Variants in MAD1L1 observed in about 807,000 individuals in gnomAD.
MAD1L1 encodes mitotic spindle assembly checkpoint protein MAD1.
A neutral mutation model predicts 96.9 loss-of-function variants in MAD1L1; 95 were observed. That is an observed-to-expected ratio of 0.98 (90% CI 0.83 to 1.16). The LOEUF (loss-of-function observed/expected upper bound fraction) is 1.16. Among genes scored for constraint, MAD1L1 ranks in the 50% most tolerant of loss-of-function variants. MAD1L1 has a pLI of 0.00. For missense variants in MAD1L1, 1,007 were observed against 954.4 expected, an observed-to-expected ratio of 1.06 and a Z score of -0.73; for synonymous variants, 473 against 396.6, an observed-to-expected ratio of 1.19 and a Z score of -2.29.
intron 12 of MAD1L1, among the ~76,000 whole-genome samples, chr7:2,049,959 C>T (rs6966586): frequency 0.057 from 8,224 of 144,164 alleles, 733 homozygotes; most frequent in African/African-American, 0.22. Context: ...CCTCACCCAA[C>T]GTCTGCGGGC....
intron 12 of MAD1L1, among the ~76,000 whole-genome samples, chr7:2,019,087 TG>T (rs1182488874): frequency 6.6e-6 from 1 of 151,950 alleles, no homozygotes; most frequent in African/African-American, 2.4e-5. Context: ...GGCGGGAACG[TG>T]GGGCTGCAGA....
At chr7:1,889,556 A>G (rs1786405497) in intron 18 of MAD1L1, among the ~76,000 whole-genome samples, 1 of 146,666 alleles carries the variant, frequency 6.8e-6, no homozygotes, top group African/African-American at 2.4e-5. Flanking sequence ...GCTCTCCCCA[A>G]GTGGAGCTGC....
intron 17 of MAD1L1, among the ~76,000 whole-genome samples, chr7:1,915,278 G>A (rs35797753): frequency 0.29 from 43,984 of 152,118 alleles, 7,515 homozygotes; most frequent in East Asian, 0.46. Context: ...ACCTTGGAGC[G>A]GAAGTGCTAC....
intron 17 of MAD1L1, among the ~76,000 whole-genome samples, chr7:1,917,007 T>A (rs1037811698): frequency 2.7e-5 from 4 of 147,812 alleles, no homozygotes; most frequent in African/African-American, 5.4e-5. Flanking sequence ...CATCACAGCA[T>A]CTTGTGACAG....
chr7:1,974,377 A>G (rs1338730444), intron 15 of MAD1L1, among the ~76,000 whole-genome samples: 1 of 152,242 alleles, frequency 6.6e-6, no homozygotes, highest in African/African-American at 2.4e-5. Context: ...GCAGAAAAAC[A>G]GCAACTTAGA....
At chr7:2,222,498 C>T (rs1013595904) in intron 5 of MAD1L1, 77 bp downstream of exon 5, 5 of 1,312,028 alleles carry the variant, frequency 3.8e-6, no homozygotes, top group Non-Finnish European at 5.1e-6. Context: ...CACAAGCGGG[C>T]ACTGCAGTGG....
chr7:2,229,113 T>A (rs913221112), intron 3 of MAD1L1, among the ~76,000 whole-genome samples: 1 of 152,194 alleles, frequency 6.6e-6, no homozygotes, highest in African/African-American at 2.4e-5. Context: ...TTTAACCAAA[T>A]GCAGCAGGGC....
chr7:2,132,502 C>A (rs372043943), intron 11 of MAD1L1, among the ~76,000 whole-genome samples: 1 of 152,100 alleles, frequency 6.6e-6, no homozygotes, highest in East Asian at 1.9e-4. Flanking sequence ...CCATCACGGC[C>A]GCGTGAAGAG....
At chr7:1,936,540 G>A in intron 17 of MAD1L1, 147 bp downstream of exon 17, 1 of 820,924 alleles carries the variant, frequency 1.2e-6, no homozygotes, top group South Asian at 1.8e-5. Context: ...CTCTGCCCCA[G>A]CAACCACCAG....
chr7:2,009,409 G>GTGGTCA lies in MAD1L1; in HGVS notation c.1359+5087_1359+5092dup, dbSNP rs544750058. Among the ~76,000 whole-genome samples, 198 of 152,322 alleles carry GTGGTCA rather than the reference G, an allele frequency of 1.3e-3. 2 individuals are homozygous for GTGGTCA. The South Asian group carries it at 0.026, about 20-fold the overall frequency. On this transcript the variant is annotated intron_variant, in intron 13 of 18. Coordinates refer to ENST00000265854, the MANE Select transcript of MAD1L1 (RefSeq NM_001013836.2). Reference sequence around the variant, plus strand: ...GAGCTAGGGGAAGGCAGCCCCACCGGTGGTCATGGTCACGGTCACGTGGAA... The same window carrying GTGGTCA: ...GAGCTAGGGGAAGGCAGCCCCACCGGTGGTCATGGTCATGGTCACGGTCACGTGGAA...
intron 11 of MAD1L1, among the ~76,000 whole-genome samples, chr7:2,138,703 G>T (rs7803122): frequency 0.098 from 14,900 of 152,186 alleles, 1,484 homozygotes; most frequent in African/African-American, 0.25. Context: ...CCAGCACTCC[G>T]CTGCCTTCCC....
At chr7:2,063,208 T>C (rs893184788) in intron 12 of MAD1L1, among the ~76,000 whole-genome samples, 6 of 152,054 alleles carry the variant, frequency 3.9e-5, no homozygotes, top group African/African-American at 7.2e-5. Flanking sequence ...ACGAGAACAG[T>C]GAAAAGAAAG....
intron 3 of MAD1L1, among the ~76,000 whole-genome samples, chr7:2,227,537 GA>G (rs1171288993): frequency 6.6e-6 from 1 of 152,158 alleles, no homozygotes; most frequent in African/African-American, 2.4e-5. Context: ...CAATGCACAA[GA>G]AAGTCCTGAG....
chr7:2,071,104 G>A (rs1035371200), intron 11 of MAD1L1, among the ~76,000 whole-genome samples: 8 of 151,238 alleles, frequency 5.3e-5, no homozygotes, highest in African/African-American at 1.7e-4. Context: ...GTGGTTTGGG[G>A]AAGGGAAAGC....
At chr7:1,917,927 T>C (rs1371811322) in intron 17 of MAD1L1, among the ~76,000 whole-genome samples, 22 of 152,126 alleles carry the variant, frequency 1.4e-4, no homozygotes, top group Admixed American at 1.4e-3. Context: ...AGGGCGGCCC[T>C]GACTGTGTTG....
chr7:1,936,502 G>A (rs893253801), intron 17 of MAD1L1, among the ~76,000 whole-genome samples, 185 bp downstream of exon 17: 2 of 152,132 alleles, frequency 1.3e-5, no homozygotes, highest in African/African-American at 2.4e-5. Context: ...ACAACCCCAC[G>A]GGGCCATGGG....
chr7:1,998,049 G>T (rs780571867), intron 14 of MAD1L1, among the ~76,000 whole-genome samples: 11 of 152,158 alleles, frequency 7.2e-5, no homozygotes, highest in Non-Finnish European at 1.6e-4. Flanking sequence ...TGCGTACGAT[G>T]AATAAGGAAC....
At chr7:2,232,136 T>C (rs1243966768) in intron 1 of MAD1L1, among the ~76,000 whole-genome samples, 1 of 152,224 alleles carries the variant, frequency 6.6e-6, no homozygotes, top group African/African-American at 2.4e-5. Context: ...TATGGGCTCA[T>C]GGCAGGCCGG....
intron 17 of MAD1L1, among the ~76,000 whole-genome samples, chr7:1,907,922 A>G (rs947739644): frequency 4.6e-5 from 7 of 152,318 alleles, no homozygotes; most frequent in Non-Finnish European, 1.0e-4. Context: ...CCGGAGAGAC[A>G]GGGTGACCGC....
Sources: gnomAD v4.1 joint callset for allele counts (sites outside exome capture counted in the v4.1 genomes callset) on GRCh38, gnomAD v4.1.1 for gene constraint, MANE v1.5 for transcripts, NCBI Gene and HGNC (gene_info 2026-07-23, HGNC 2026-07-21) for gene names.